The following COXFA4 variants were observed in gnomAD, a reference collection of about 807,000 sequenced individuals.
The protein encoded by COXFA4 is cytochrome c oxidase subunit FA4.
the COXFA4 span, among the ~76,000 whole-genome samples, chr7:10,936,577 C>T: frequency 3.3e-5 from 5 of 152,118 alleles, no homozygotes; most frequent in South Asian, 6.2e-4. Context: ...TCAGGATGCC[C>T]GTTTATCTTT....
At chr7:10,939,763 A>G in the COXFA4 span, 1 of 562,764 alleles carries the variant, frequency 1.8e-6, no homozygotes, top group Non-Finnish European at 3.2e-6. Flanking sequence ...AATATTCACT[A>G]ACTAGAAAAA....
chr7:10,936,090 A>G, the COXFA4 span, among the ~76,000 whole-genome samples: 1 of 152,188 alleles, frequency 6.6e-6, no homozygotes, highest in Admixed American at 6.5e-5. Context: ...CTTAGGTGAG[A>G]GATTGTGAAT....
chr7:10,937,891 T>A, the COXFA4 span: 1 of 588,018 alleles, frequency 1.7e-6, no homozygotes, highest in South Asian at 2.2e-5. Context: ...CTTCTTTTCT[T>A]ATACTAGCAA....
chr7:10,935,221 G>C, the COXFA4 span, among the ~76,000 whole-genome samples: 50 of 152,250 alleles, frequency 3.3e-4, no homozygotes, highest in African/African-American at 1.2e-3. Context: ...TGATTTACTT[G>C]CTTCATATCC....
At chr7:10,938,799 A>G in the COXFA4 span, 1 of 1,608,618 alleles carries the variant, frequency 6.2e-7, no homozygotes, top group East Asian at 2.2e-5. Flanking sequence ...AACATTTTTA[A>G]GTACTTACCA....
the COXFA4 span, chr7:10,939,274 C>T: frequency 4.7e-6 from 1 of 214,724 alleles, no homozygotes; most frequent in South Asian, 6.9e-5. Context: ...AAAACAAATT[C>T]TTTGCAAATT....
chr7:10,935,211 T>C, the COXFA4 span, among the ~76,000 whole-genome samples: 1 of 152,264 alleles, frequency 6.6e-6, no homozygotes, highest in African/African-American at 2.4e-5. Flanking sequence ...AGCAGGCTCC[T>C]GATTTACTTG....
the COXFA4 span, among the ~76,000 whole-genome samples, chr7:10,937,303 G>A: frequency 6.6e-6 from 1 of 150,848 alleles, no homozygotes; most frequent in Non-Finnish European, 1.5e-5. Flanking sequence ...TTTTTTTTTA[G>A]ACAGAGTCTG....
At chr7:10,938,819 A>C in the COXFA4 span, 1 of 1,612,870 alleles carries the variant, frequency 6.2e-7, no homozygotes, top group South Asian at 1.1e-5. Context: ...AAACATCTGG[A>C]TTGAACAATG....
Sources: gnomAD v4.1 joint callset for allele counts (sites outside exome capture counted in the v4.1 genomes callset) on GRCh38, gnomAD v4.1.1 for gene constraint, MANE v1.5 for transcripts, NCBI Gene and HGNC (gene_info 2026-07-23, HGNC 2026-07-21) for gene names.